Variants in CTNNA3 observed in about 807,000 individuals in gnomAD.
CTNNA3 encodes the protein catenin alpha-3.
Under a neutral mutation model 95.7 loss-of-function variants are expected in CTNNA3, and 76 were observed. The ratio of observed to expected loss-of-function variants is 0.79; its 90% confidence interval spans 0.66 to 0.96. The LOEUF is 0.96. Among genes scored for constraint, CTNNA3 ranks in the 40% least tolerant of loss-of-function variants. The pLI is 0.00. For synonymous variants in CTNNA3, 431 were observed against 374.4 expected, an observed-to-expected ratio of 1.15 and a Z score of -1.74; for missense variants, 1,191 against 1,089.8, an observed-to-expected ratio of 1.09 and a Z score of -1.31.
chr10:67,740,731 C>A (rs1841332167), intron 1 of CTNNA3, among the ~76,000 whole-genome samples: 2 of 151,300 alleles, frequency 1.3e-5, no homozygotes. Context: ...CTAGTTCAAC[C>A]ATTGTGGAAG....
In CTNNA3 at chr10:66,076,745, C is replaced by T. The variant is rs144635674; in HGVS notation, c.1978-7256G>A. Among the ~76,000 whole-genome samples, 389 of 151,682 alleles carry T rather than the reference C, an allele frequency of 2.6e-3. 6 individuals are homozygous for T. The highest frequency in any genetic ancestry group is 9.1e-3 in the African/African-American group (376 of 41,484). ...TAAATATAATAATGATAGTGATTGACATTTGTTCACACTTCCAGTATGCCA... is the reference window on the plus strand; with the variant it reads ...TAAATATAATAATGATAGTGATTGATATTTGTTCACACTTCCAGTATGCCA... On this transcript the variant is annotated intron_variant, in intron 14 of 17. Coordinates refer to ENST00000433211, the MANE Select transcript of CTNNA3 (RefSeq NM_013266.4).
At position 66,124,093 on chromosome 10, in the gene CTNNA3, G is replaced by T. The variant is rs545234489; in HGVS notation, c.1885-20844C>A. 1.5e-3 allele frequency among the ~76,000 whole-genome samples: 224 copies of T among 152,240 alleles called. 1 individual carries two copies. The highest frequency in any genetic ancestry group is 5.2e-3 in the African/African-American group (216 of 41,526). ...ATGGGATTTTCTTTTCTATCGCATTGTCAGGCTACACATTTTCTGAACTTT... is the reference window on the plus strand; with the variant it reads ...ATGGGATTTTCTTTTCTATCGCATTTTCAGGCTACACATTTTCTGAACTTT... On this transcript the variant is annotated intron_variant, in intron 13 of 17. Transcript: ENST00000433211.
At chr10:66,776,022 G>A (rs1430892506) in intron 7 of CTNNA3, among the ~76,000 whole-genome samples, 1 of 152,150 alleles carries the variant, frequency 6.6e-6, no homozygotes, top group East Asian at 1.9e-4. Context: ...AATTTTAGCT[G>A]ACAATATTCC....
intron 12 of CTNNA3, among the ~76,000 whole-genome samples, chr10:66,377,390 T>TTAGC (rs1302354581): frequency 2.6e-5 from 4 of 152,054 alleles, no homozygotes; most frequent in Non-Finnish European, 5.9e-5. Flanking sequence ...GCCATATGGA[T>TTAGC]TAGCTATCTA....
chr10:66,757,827 T>C (rs1159913376), intron 9 of CTNNA3, among the ~76,000 whole-genome samples: 1 of 152,190 alleles, frequency 6.6e-6, no homozygotes, highest in Non-Finnish European at 1.5e-5. Context: ...TGAGCTGATA[T>C]CTACTTTTCC....
At chr10:66,482,653 T>C (rs978576963) in intron 11 of CTNNA3, among the ~76,000 whole-genome samples, 3 of 152,170 alleles carry the variant, frequency 2.0e-5, no homozygotes, top group Admixed American at 6.5e-5. Flanking sequence ...AATATATATG[T>C]GTGTTCTTGT....
At chr10:66,570,609 A>G (rs1471907251) in intron 10 of CTNNA3, among the ~76,000 whole-genome samples, 1 of 151,830 alleles carries the variant, frequency 6.6e-6, no homozygotes, top group East Asian at 1.9e-4. Flanking sequence ...ATTTTTAAAG[A>G]CCAAACACAT....
intron 7 of CTNNA3, among the ~76,000 whole-genome samples, chr10:67,143,272 C>T (rs12262512): frequency 1.3e-5 from 2 of 151,346 alleles, no homozygotes; most frequent in Non-Finnish European, 3.0e-5. Context: ...AAAACACCAT[C>T]TAAGCCAAGC....
chr10:66,431,110 T>G (rs140328569), intron 11 of CTNNA3, among the ~76,000 whole-genome samples: 2,473 of 149,674 alleles, frequency 0.017, 58 homozygotes, highest in African/African-American at 0.057. Context: ...CTTCTCAAAA[T>G]AAGACATTTA....
At chr10:66,350,975 T>G (rs2092562677) in intron 12 of CTNNA3, among the ~76,000 whole-genome samples, 1 of 152,052 alleles carries the variant, frequency 6.6e-6, no homozygotes, top group African/African-American at 2.4e-5. Flanking sequence ...CAGCCATACT[T>G]TAGTGATTTC....
At chr10:66,319,088 T>G (rs1315281487) in intron 12 of CTNNA3, among the ~76,000 whole-genome samples, 1 of 152,102 alleles carries the variant, frequency 6.6e-6, no homozygotes, top group Admixed American at 6.5e-5. Flanking sequence ...TTATAAAGTA[T>G]GAACTTGGTC....
At chr10:66,888,877 A>G (rs1396858814) in intron 7 of CTNNA3, among the ~76,000 whole-genome samples, 1 of 152,158 alleles carries the variant, frequency 6.6e-6, no homozygotes, top group Non-Finnish European at 1.5e-5. Flanking sequence ...TATTTGCCCC[A>G]AAGGAGTTGA....
At chr10:67,614,076 C>T (rs1329026834) in intron 2 of CTNNA3, among the ~76,000 whole-genome samples, 1 of 152,204 alleles carries the variant, frequency 6.6e-6, no homozygotes, top group Non-Finnish European at 1.5e-5. Flanking sequence ...GTTGCCACTG[C>T]TGGCTGGAGT....
At chr10:66,045,490 A>T (rs1425410621) in intron 15 of CTNNA3, among the ~76,000 whole-genome samples, 1 of 152,208 alleles carries the variant, frequency 6.6e-6, no homozygotes, top group East Asian at 1.9e-4. Context: ...ACATTAAAAT[A>T]TTCTATGTAG....
chr10:67,718,008 T>C (rs1841154631), intron 1 of CTNNA3, among the ~76,000 whole-genome samples: 1 of 152,222 alleles, frequency 6.6e-6, no homozygotes, highest in African/African-American at 2.4e-5. Flanking sequence ...CAATGGTTTA[T>C]AGTTCTCCTT....
chr10:66,394,859 A>T (rs1307607710), intron 11 of CTNNA3, among the ~76,000 whole-genome samples: 1 of 152,094 alleles, frequency 6.6e-6, no homozygotes, highest in African/African-American at 2.4e-5. Context: ...TGTTTAAAAT[A>T]ACCCCCTAGA....
chr10:67,726,487 C>CA (rs1841223655), intron 1 of CTNNA3, among the ~76,000 whole-genome samples: 5 of 46,188 alleles, frequency 1.1e-4, no homozygotes, highest in African/African-American at 4.8e-4. Flanking sequence ...TATATTATAT[C>CA]ATATACAATA....
At chr10:67,139,342 T>C (rs2132037446) in intron 7 of CTNNA3, among the ~76,000 whole-genome samples, 1 of 145,158 alleles carries the variant, frequency 6.9e-6, no homozygotes, top group Admixed American at 7.1e-5. Context: ...ACAGACAGGG[T>C]TTCACTGTGT....
chr10:67,613,464 T>G (rs933539291), intron 2 of CTNNA3, among the ~76,000 whole-genome samples: 4 of 152,034 alleles, frequency 2.6e-5, no homozygotes, highest in African/African-American at 7.2e-5. Flanking sequence ...ACCAAAAGAA[T>G]GGGTTGCTAC....
Sources: allele counts gnomAD v4.1 joint callset (sites outside exome capture counted in the v4.1 genomes callset), GRCh38; gene constraint gnomAD v4.1.1; transcripts MANE v1.5; gene names NCBI Gene and HGNC (gene_info 2026-07-23, HGNC 2026-07-21).